Variants in MEGF10 observed in about 807,000 individuals in gnomAD.
The protein encoded by MEGF10 is multiple EGF like domains 10, also known as multiple epidermal growth factor-like domains protein 10.
In MEGF10, 86 loss-of-function variants were observed where a neutral mutation model predicts 147.5. The observed-to-expected ratio is 0.58, with a 90% CI of 0.49 to 0.70. The LOEUF (loss-of-function observed/expected upper bound fraction) is 0.70. MEGF10 is among the 30% of genes least tolerant of loss of function. MEGF10 has a pLI of 0.00. For synonymous variants in MEGF10, 478 were observed against 525.5 expected (o/e 0.91, Z 1.24); for missense variants, 1,329 against 1,487.3 (o/e 0.89, Z 1.75).
At chr5:127,383,797 G>A (rs1289146887) in intron 5 of MEGF10, among the ~76,000 whole-genome samples, 1 of 152,140 alleles carries the variant, frequency 6.6e-6, no homozygotes, top group African/African-American at 2.4e-5. Context: ...TCTCTGCTGT[G>A]GGTACATGAG....
In MEGF10 at chr5:127,369,858, CT is replaced by C. The variant is rs1191895907; in HGVS notation, c.320-44del. 60 of 1,473,142 alleles carry C rather than the reference CT, an allele frequency of 4.1e-5. No homozygotes were observed. The East Asian group carries it at 4.6e-4, about 11-fold the overall frequency. 91.3% of individuals were successfully genotyped at this position (1,473,142 alleles called of 1,614,324 possible). A position where few individuals can be genotyped will look rare whatever the true frequency, so the allele number is the denominator to read the frequency against. ...GGATGTGCAACAGCTGTGTTGTTGG[CT>C]TTTTTTTCTTGTGCCAACTTTCTTT... is the stretch of plus-strand genomic sequence containing the variant. On this transcript the variant is annotated intron_variant, in intron 4 of 24. Coordinates refer to ENST00000503335, the MANE Select transcript of MEGF10 (RefSeq NM_001256545.2).
chr5:127,245,138 C>T, the MEGF10 span, among the ~76,000 whole-genome samples: 6 of 152,184 alleles, frequency 3.9e-5, no homozygotes, highest in East Asian at 3.9e-4. Context: ...AAAAAGAGCC[C>T]GTATAGCCAA....
intron 2 of MEGF10, among the ~76,000 whole-genome samples, chr5:127,332,068 G>A (rs951934526): frequency 6.6e-6 from 1 of 151,774 alleles, no homozygotes; most frequent in Non-Finnish European, 1.5e-5. Context: ...TTGGAGGAGG[G>A]TGTGGTTATG....
At chr5:127,268,534 C>A in the MEGF10 span, among the ~76,000 whole-genome samples, 1 of 151,980 alleles carries the variant, frequency 6.6e-6, no homozygotes, top group Non-Finnish European at 1.5e-5. Flanking sequence ...GGCAGCGAGG[C>A]TGGGGGAGGG....
the MEGF10 span, among the ~76,000 whole-genome samples, chr5:127,247,389 GAAGAAGAAGAAGAAGAAGAAGAAGAAGAA>G: frequency 3.4e-5 from 1 of 29,688 alleles, no homozygotes; most frequent in East Asian, 7.0e-4. Context: ...AGAAGAAGAA[GAAGAAGAAGAAGAAGAAGAAGAAGAAGAA>G]GAAGAAGAAG....
At chr5:127,342,438 C>T (rs769491995) in intron 4 of MEGF10, among the ~76,000 whole-genome samples, 39 of 152,264 alleles carry the variant, frequency 2.6e-4, no homozygotes, top group Non-Finnish European at 4.6e-4. Flanking sequence ...TTTCCTAACT[C>T]ATACAAAACT....
chr5:127,441,992 T>C (rs991323724), intron 18 of MEGF10, among the ~76,000 whole-genome samples: 11 of 152,232 alleles, frequency 7.2e-5, no homozygotes, highest in African/African-American at 2.7e-4. Flanking sequence ...CATTGAGTCA[T>C]GAAAACAGAT....
rs1064795277 is a variant in MEGF10 at position 127,457,226 on chromosome 5, T to C, written c.3331T>C (p.Tyr1111His). 1 of 1,614,128 alleles carries C rather than the reference T, an allele frequency of 6.2e-7. No individual in the cohort carries two copies. Among genetic ancestry groups the C allele is most frequent in the Non-Finnish European group, 8.5e-7 (1 of 1,180,002 alleles). ...AAAGAACAGTCACATCCCTTGTCATTATGACCTGCTGCCAGTCCGAGACAG... is the reference window on the plus strand; with the variant it reads ...AAAGAACAGTCACATCCCTTGTCATCATGACCTGCTGCCAGTCCGAGACAG... ...LPKNSHIPCH[Y>H]DLLPVRDSSS... Residue 1111 changes from tyrosine (Y) to histidine (H), a missense_variant, in exon 25 of 25, where the codon TAT (tyrosine) becomes CAT (histidine). Physicochemically the swap from Tyr to His is moderately conservative, Grantham distance 83 (BLOSUM62 2). Coordinates refer to ENST00000503335, the MANE Select transcript of MEGF10 (RefSeq NM_001256545.2).
intron 4 of MEGF10, among the ~76,000 whole-genome samples, chr5:127,368,567 T>C (rs1254377835): frequency 1.3e-5 from 2 of 152,206 alleles, no homozygotes; most frequent in Admixed American, 1.3e-4. Flanking sequence ...CTTGCAAAGC[T>C]ATTGCCCCAA....
chr5:127,410,473 C>G lies in MEGF10; in HGVS notation c.1002C>G (p.His334Gln). The change falls in exon 9 of 25, where the codon CAC becomes CAG. Residue 334 changes from histidine (H) to glutamine (Q), a missense_variant. By Grantham distance (24) the His-to-Gln change is conservative. Coordinates refer to ENST00000503335, the MANE Select transcript of MEGF10 (RefSeq NM_001256545.2). ...GTGTCAACGGAGGGAAGTGTTACCACGTGAGCGGCGCATGCCTCTGTGAAG... is the reference window on the plus strand; with the variant it reads ...GTGTCAACGGAGGGAAGTGTTACCAGGTGAGCGGCGCATGCCTCTGTGAAG... ...CQCVNGGKCY[H>Q]VSGACLCEAG... 6.2e-7 allele frequency: 1 copy of G among 1,614,196 alleles called. No homozygotes were observed. The highest frequency in any genetic ancestry group is 8.5e-7 in the Non-Finnish European group (1 of 1,180,048).
Position 127,459,703 on chromosome 5 carries a change from T to G in MEGF10, c.*2385T>G, listed in dbSNP as rs1329350358. 1 of 152,212 alleles carries G rather than the reference T, an allele frequency of 6.6e-6. No individual in the cohort carries two copies. The highest frequency in any genetic ancestry group is 1.5e-5 in the Non-Finnish European group (1 of 68,038). 9.4% of individuals were successfully genotyped at this position (152,212 alleles called of 1,614,324 possible). Reference sequence around the variant, plus strand: ...ACTGCCATCCCTTCCTGTGTGCTCTTTTTGACAAGTAAATCACTCCAGTTA... The same window carrying G: ...ACTGCCATCCCTTCCTGTGTGCTCTGTTTGACAAGTAAATCACTCCAGTTA... On this transcript the variant is annotated 3_prime_UTR_variant, in exon 25 of 25. Coordinates refer to ENST00000503335, the MANE Select transcript of MEGF10 (RefSeq NM_001256545.2).
chr5:127,364,254 G>A (rs964502261), intron 4 of MEGF10, among the ~76,000 whole-genome samples: 1 of 152,094 alleles, frequency 6.6e-6, no homozygotes, highest in Non-Finnish European at 1.5e-5. Flanking sequence ...TACAACCCCT[G>A]TACCTACTAC....
intron 13 of MEGF10, chr5:127,424,560 A>G: frequency 1.4e-6 from 2 of 1,395,798 alleles, no homozygotes; most frequent in Non-Finnish European, 1.8e-6. Context: ...GAAAATGTTG[A>G]GAGCTTCTTT....
rs1487909984 is a variant in MEGF10 at position 127,456,798 on chromosome 5, C to T, written c.3233-330C>T. ...ACGTTTGAGAATGTCAGTCTTCTCA[C>T]CTGTGGAATAAGGGGCTTGGCCTAC... On this transcript the variant is annotated intron_variant, in intron 24 of 24. Transcript: ENST00000503335. 4.6e-5 allele frequency among the ~76,000 whole-genome samples: 7 copies of T among 152,264 alleles called. No individual in the cohort carries two copies. In the East Asian group the frequency reaches 1.2e-3, roughly 25 times the overall value.
chr5:127,416,733 G>T (rs886939417), intron 9 of MEGF10, among the ~76,000 whole-genome samples: 1 of 152,146 alleles, frequency 6.6e-6, no homozygotes, highest in Non-Finnish European at 1.5e-5. Flanking sequence ...ACCCTCACTT[G>T]GCAGACTAGG....
chr5:127,443,002 C>G lies in MEGF10; in HGVS notation c.2367C>G (p.Cys789Trp). ...CATTTGACTTTCCTTCTCTAGAGTGCCCTTCAGGAACATATGGCTATGGCT... is the reference window on the plus strand; with the variant it reads ...CATTTGACTTTCCTTCTCTAGAGTGGCCTTCAGGAACATATGGCTATGGCT... ...GFMGRHCEQKCPSGTYGYGCR... is the reference protein window; with the variant it reads ...GFMGRHCEQKWPSGTYGYGCR... Residue 789 changes from cysteine to tryptophan, a missense_variant, in exon 19 of 25, where the codon TGC becomes TGG. Coordinates refer to ENST00000503335, the MANE Select transcript of MEGF10 (RefSeq NM_001256545.2). 1 of 1,610,788 alleles carries G rather than the reference C, an allele frequency of 6.2e-7. No individual in the cohort carries two copies. Among genetic ancestry groups the G allele is most frequent in the Non-Finnish European group, 8.5e-7 (1 of 1,178,342 alleles).
chr5:127,451,246 C>A (rs1003918264), intron 22 of MEGF10, among the ~76,000 whole-genome samples: 1 of 152,220 alleles, frequency 6.6e-6, no homozygotes. Flanking sequence ...CTCCTGTAAG[C>A]AGTGTCAAGT....
At chr5:127,376,809 C>T (rs372651905) in intron 5 of MEGF10, among the ~76,000 whole-genome samples, 1 of 152,268 alleles carries the variant, frequency 6.6e-6, no homozygotes, top group East Asian at 1.9e-4. Context: ...AGGTGCAGAA[C>T]ATTTAGGTGA....
At chr5:127,379,969 A>C (rs17763172) in intron 5 of MEGF10, among the ~76,000 whole-genome samples, 1,700 of 151,820 alleles carry the variant, frequency 0.011, 21 homozygotes, top group East Asian at 0.046. Context: ...ACTATCTCTG[A>C]CCTCCATATG....
Sources: allele counts gnomAD v4.1 joint callset (sites outside exome capture counted in the v4.1 genomes callset), GRCh38; gene constraint gnomAD v4.1.1; transcripts MANE v1.5; gene names NCBI Gene and HGNC (gene_info 2026-07-23, HGNC 2026-07-21).